The following KCNIP1 variants were observed in gnomAD, a reference collection of about 807,000 sequenced individuals.
KCNIP1 encodes potassium voltage-gated channel interacting protein 1, also known as A-type potassium channel modulatory protein KCNIP1.
In KCNIP1, 18 loss-of-function variants were observed where a neutral mutation model predicts 33.0. The ratio of observed to expected loss-of-function variants is 0.55; its 90% CI spans 0.38 to 0.81. The LOEUF (loss-of-function observed/expected upper bound fraction) is 0.81. KCNIP1 is among the 30% of genes least tolerant of loss of function. The pLI is 0.00. For missense variants in KCNIP1, 238 were observed against 271.6 expected (o/e 0.88, Z 0.87); for synonymous variants, 93 against 98.3 (o/e 0.95, Z 0.32).
intron 1 of KCNIP1, among the ~76,000 whole-genome samples, chr5:170,481,262 A>T (rs1756971015): frequency 6.6e-6 from 1 of 152,214 alleles, no homozygotes; most frequent in Non-Finnish European, 1.5e-5. Flanking sequence ...TCCAGGCTTA[A>T]ACCATTTGTT....
chr5:170,717,168 C>T (rs747532523), intron 1 of KCNIP1, among the ~76,000 whole-genome samples: 1 of 152,130 alleles, frequency 6.6e-6, no homozygotes, highest in Non-Finnish European at 1.5e-5. Context: ...CAATTAATTT[C>T]TCTGTTAAAA....
chr5:170,513,021 G>A (rs6555901), intron 1 of KCNIP1, among the ~76,000 whole-genome samples: 48,219 of 151,002 alleles, frequency 0.32, 7,897 homozygotes, highest in East Asian at 0.43. Context: ...CTGCACTCCA[G>A]CCTGGGCGAC....
intron 1 of KCNIP1, among the ~76,000 whole-genome samples, chr5:170,617,262 G>A (rs1759416393): frequency 6.6e-6 from 1 of 152,080 alleles, no homozygotes; most frequent in Non-Finnish European, 1.5e-5. Context: ...GAAGGGTGGA[G>A]AGGAGAGAAG....
chr5:170,353,729 A>G (rs1581100733), exon 1 of KCNIP1: 1 of 680,690 alleles, frequency 1.5e-6, no homozygotes. Flanking sequence ...CTGCAGAGGC[A>G]GCTGTGCTGT....
At chr5:170,501,111 G>A (rs1454297625), upstream of KCNIP1, among the ~76,000 whole-genome samples, 2 of 152,316 alleles carry the variant, frequency 1.3e-5, no homozygotes, top group South Asian at 4.2e-4. Flanking sequence ...GACAGGCAAG[G>A]AAAGGAACAA....
At chr5:170,427,791 G>T (rs1755646937) in intron 1 of KCNIP1, among the ~76,000 whole-genome samples, 1 of 152,200 alleles carries the variant, frequency 6.6e-6, no homozygotes, top group Non-Finnish European at 1.5e-5. Context: ...GTGCTGCCAG[G>T]CAGCTGGAGC....
chr5:170,407,433 T>C (rs1253745909), intron 1 of KCNIP1, among the ~76,000 whole-genome samples: 5 of 152,196 alleles, frequency 3.3e-5, no homozygotes, highest in Non-Finnish European at 7.3e-5. Flanking sequence ...TATCCATAAG[T>C]GTAACAAAAA....
intron 1 of KCNIP1, among the ~76,000 whole-genome samples, chr5:170,393,783 A>C (rs1754680465): frequency 6.6e-6 from 1 of 151,710 alleles, no homozygotes; most frequent in Non-Finnish European, 1.5e-5. Context: ...TTTTCCTCTG[A>C]CTCTTTTCAC....
At chr5:170,446,693 C>T (rs903089783) in intron 1 of KCNIP1, among the ~76,000 whole-genome samples, 5 of 152,260 alleles carry the variant, frequency 3.3e-5, no homozygotes, top group South Asian at 2.1e-4. Flanking sequence ...CCTCCTGCCT[C>T]GGCCTCCCAA....
intron 1 of KCNIP1, among the ~76,000 whole-genome samples, chr5:170,587,421 CAAAAAAAAA>C (rs56358014): frequency 1.4e-4 from 10 of 70,334 alleles, no homozygotes; most frequent in African/African-American, 3.8e-4. Flanking sequence ...GACTCTGTCT[CAAAAAAAAA>C]AAAAAAAAAA....
chr5:170,513,360 T>C (rs758974309), intron 1 of KCNIP1, among the ~76,000 whole-genome samples: 24 of 152,242 alleles, frequency 1.6e-4, no homozygotes, highest in Non-Finnish European at 2.5e-4. Flanking sequence ...GGTCATCTCA[T>C]ATAAATTGTT....
chr5:170,592,245 A>G (rs1758286605), intron 1 of KCNIP1, among the ~76,000 whole-genome samples: 2 of 152,114 alleles, frequency 1.3e-5, no homozygotes, highest in African/African-American at 4.8e-5. Flanking sequence ...GCATCTTTTC[A>G]TGTTCTTACT....
intron 1 of KCNIP1, among the ~76,000 whole-genome samples, chr5:170,416,012 C>T (rs926590095): frequency 5.9e-5 from 9 of 151,980 alleles, no homozygotes; most frequent in Non-Finnish European, 1.3e-4. Flanking sequence ...AAGGGTGCTC[C>T]AAGAGCCAGA....
At chr5:170,377,364 G>C (rs4309989) in intron 1 of KCNIP1, 23,103 of 152,232 alleles carry the variant, frequency 0.15, 2,016 homozygotes, top group Non-Finnish European at 0.19. Flanking sequence ...GATGCTGCTG[G>C]CCCAGGGACC....
In KCNIP1 at chr5:170,504,234, G is replaced by A. The variant is rs1754611415; in HGVS notation, c.-339G>A. The A allele has an allele frequency of 9.3e-7, 1 of 1,079,384 alleles. No individual in the cohort carries two copies. The highest frequency in any genetic ancestry group is 4.4e-5 in the South Asian group (1 of 22,554). 66.9% of individuals were successfully genotyped at this position (1,079,384 alleles called of 1,614,324 possible). On this transcript the variant is annotated 5_prime_UTR_variant, in exon 1 of 8. Transcript: ENST00000328939. This position sits in a 1 kb window ranked among gnomAD's most constrained non-coding sequence, Gnocchi z 6.0. ...CGGCGCTGGCTCGGCAGCCTCGGCC[G>A]GGCGGCCGCTCTGGCCCCGTGTCCA...
chr5:170,507,225 G>T (rs142202389), intron 1 of KCNIP1, among the ~76,000 whole-genome samples: 3 of 152,334 alleles, frequency 2.0e-5, no homozygotes, highest in East Asian at 3.9e-4. Flanking sequence ...CAGTCTCCCT[G>T]CTGGGTTCAA....
chr5:170,418,053 C>T (rs1034888526), intron 1 of KCNIP1, among the ~76,000 whole-genome samples: 2 of 152,210 alleles, frequency 1.3e-5, no homozygotes, highest in African/African-American at 4.8e-5. Context: ...CTGAAAATCA[C>T]CTTTCTCCAC....
intron 5 of KCNIP1, among the ~76,000 whole-genome samples, 166 bp downstream of exon 5, chr5:170,722,986 C>A (rs2113877141): frequency 6.6e-6 from 1 of 152,282 alleles, no homozygotes; most frequent in Middle Eastern, 3.4e-3. Context: ...CCTCATTGCC[C>A]TACCCTGCCC....
At chr5:170,656,059 G>A (rs1344248186) in intron 1 of KCNIP1, among the ~76,000 whole-genome samples, 1 of 152,150 alleles carries the variant, frequency 6.6e-6, no homozygotes, top group Non-Finnish European at 1.5e-5. Context: ...CTGACCTCTT[G>A]CCAACCTGCC....
Sources: gnomAD v4.1 joint callset for allele counts (sites outside exome capture counted in the v4.1 genomes callset) on GRCh38, gnomAD v4.1.1 for gene constraint, Gnocchi (gnomAD v3.1) non-coding constraint, MANE v1.5 for transcripts, NCBI Gene and HGNC (gene_info 2026-07-23, HGNC 2026-07-21) for gene names.